DNM3: variants seen among roughly 807,000 people sequenced by gnomAD.
DNM3 encodes dynamin 3.
In DNM3, 47 loss-of-function variants were observed where a neutral mutation model predicts 101.6. The observed-to-expected ratio is 0.46, with a 90% CI of 0.37 to 0.59. DNM3 has a LOEUF of 0.59. Ranked by LOEUF, DNM3 falls within the 20% of genes least tolerant of loss-of-function variation. The pLI is 0.00. For missense variants in DNM3, 849 were observed against 1,085.7 expected (o/e 0.78, Z 3.06); for synonymous variants, 385 against 387.9 (o/e 0.99, Z 0.09).
At chr1:172,226,267 C>T (rs998778596) in intron 14 of DNM3, among the ~76,000 whole-genome samples, 3 of 152,164 alleles carry the variant, frequency 2.0e-5, no homozygotes, top group African/African-American at 7.2e-5. Flanking sequence ...CTCCAACCCC[C>T]TAGCTGTTAT....
At chr1:171,894,280 C>G (rs2037563009) in intron 1 of DNM3, among the ~76,000 whole-genome samples, 1 of 152,322 alleles carries the variant, frequency 6.6e-6, no homozygotes, top group South Asian at 2.1e-4. Flanking sequence ...GTCTGTGATT[C>G]CTCCCACTGT....
chr1:172,326,558 T>A (rs2065945485), intron 17 of DNM3, among the ~76,000 whole-genome samples: 1 of 152,152 alleles, frequency 6.6e-6, no homozygotes, highest in Admixed American at 6.6e-5. Context: ...TTAACCTCCA[T>A]GTTGTGTCTT....
At chr1:172,230,569 G>A (rs896805091) in intron 14 of DNM3, among the ~76,000 whole-genome samples, 1 of 152,094 alleles carries the variant, frequency 6.6e-6, no homozygotes, top group Non-Finnish European at 1.5e-5. Flanking sequence ...TAGTAACAGT[G>A]TTTTAACAAA....
intron 15 of DNM3, among the ~76,000 whole-genome samples, chr1:172,267,934 G>C (rs972405068): frequency 6.6e-6 from 1 of 152,046 alleles, no homozygotes; most frequent in African/African-American, 2.4e-5. Context: ...GGATGGTCTC[G>C]ATCTCCTGAC....
intron 2 of DNM3, among the ~76,000 whole-genome samples, chr1:171,973,811 G>A (rs189147322): frequency 6.6e-6 from 1 of 151,450 alleles, no homozygotes; most frequent in African/African-American, 2.4e-5. Flanking sequence ...CTACAGGCAT[G>A]TGCCATTATG....
chr1:171,987,871 A>G lies in DNM3; in HGVS notation c.385+66A>G, dbSNP rs758769077. The G allele has an allele frequency of 1.8e-5, 26 of 1,418,270 alleles. No individual in the cohort carries two copies. The African/African-American group carries it at 2.6e-4, about 14-fold the overall frequency. The allele number at this position is 1,418,270 out of a possible 1,614,324, so 87.9% of individuals were successfully genotyped here. ...ATTTATACTACATTAATTAACATAC[A>G]TCATTTGTACAGAAGATACAAATAG... On this transcript the variant is annotated intron_variant, in intron 3 of 20. Transcript: ENST00000627582.
chr1:171,886,583 G>A (rs1395654894), intron 1 of DNM3, among the ~76,000 whole-genome samples: 2 of 151,898 alleles, frequency 1.3e-5, no homozygotes, highest in African/African-American at 4.8e-5. Flanking sequence ...TTGAAAAATT[G>A]CCTTTGTTAT....
At chr1:171,886,510 T>A (rs1250810279) in intron 1 of DNM3, among the ~76,000 whole-genome samples, 1 of 152,122 alleles carries the variant, frequency 6.6e-6, no homozygotes, top group African/African-American at 2.4e-5. Flanking sequence ...AATGATGCTT[T>A]TCTGGTTCCC....
At chr1:172,242,313 T>C (rs2061780231) in intron 14 of DNM3, among the ~76,000 whole-genome samples, 1 of 152,190 alleles carries the variant, frequency 6.6e-6, no homozygotes, top group Non-Finnish European at 1.5e-5. Flanking sequence ...CTGTTCACCC[T>C]GCCTGGTATC....
At chr1:172,383,912 T>C (rs1321188138) in intron 18 of DNM3, among the ~76,000 whole-genome samples, 2 of 152,308 alleles carry the variant, frequency 1.3e-5, no homozygotes, top group East Asian at 3.9e-4. Flanking sequence ...GGTGTTATAA[T>C]TAAAAACATA....
chr1:172,178,833 A>G (rs1459908138), intron 14 of DNM3, among the ~76,000 whole-genome samples: 1 of 151,966 alleles, frequency 6.6e-6, no homozygotes. Flanking sequence ...CAGAAGCTAG[A>G]TTGCAGGGGG....
At chr1:172,193,775 CG>C (rs1366761772) in intron 14 of DNM3, among the ~76,000 whole-genome samples, 1 of 151,882 alleles carries the variant, frequency 6.6e-6, no homozygotes, top group Admixed American at 6.6e-5. Flanking sequence ...GTCTTGCTAG[CG>C]GTCTATCAAT....
intron 4 of DNM3, among the ~76,000 whole-genome samples, chr1:172,026,874 C>T (rs533124326): frequency 3.9e-5 from 6 of 152,172 alleles, no homozygotes; most frequent in Admixed American, 1.3e-4. Context: ...AGGATGGTCT[C>T]GATCTCCTGA....
At chr1:172,379,249 T>C in intron 18 of DNM3, 67 bp downstream of exon 18, 1 of 1,285,408 alleles carries the variant, frequency 7.8e-7, no homozygotes, top group Non-Finnish European at 1.1e-6. Flanking sequence ...GCACATATTA[T>C]CTTCAGCTTC....
At chr1:172,196,218 C>T (rs552903468) in intron 14 of DNM3, among the ~76,000 whole-genome samples, 1 of 151,902 alleles carries the variant, frequency 6.6e-6, no homozygotes, top group South Asian at 2.1e-4. Flanking sequence ...CATCCATGTT[C>T]CCTCAAAAGA....
chr1:172,200,918 A>G (rs893684522), intron 14 of DNM3, among the ~76,000 whole-genome samples: 2 of 152,022 alleles, frequency 1.3e-5, no homozygotes, highest in Non-Finnish European at 2.9e-5. Flanking sequence ...CAGCCTGGCC[A>G]TTTGGAGGAC....
At chr1:171,871,917 T>C (rs1312877934) in intron 1 of DNM3, among the ~76,000 whole-genome samples, 2 of 149,096 alleles carry the variant, frequency 1.3e-5, no homozygotes, top group South Asian at 2.1e-4. Flanking sequence ...TCTAGAAAGA[T>C]AGATTCAGTG....
intron 6 of DNM3, among the ~76,000 whole-genome samples, chr1:172,037,579 T>TA (rs2049061638): frequency 6.6e-6 from 1 of 152,210 alleles, no homozygotes; most frequent in Non-Finnish European, 1.5e-5. Flanking sequence ...AGAAAGGCTG[T>TA]AAGACCTAAA....
intron 10 of DNM3, among the ~76,000 whole-genome samples, chr1:172,065,641 G>A (rs886777322): frequency 1.3e-5 from 2 of 152,160 alleles, no homozygotes; most frequent in African/African-American, 4.8e-5. Context: ...GGTAATTCAT[G>A]AAATAAGCCC....
Sources: allele counts gnomAD v4.1 joint callset (sites outside exome capture counted in the v4.1 genomes callset), GRCh38; gene constraint gnomAD v4.1.1; transcripts MANE v1.5; gene names NCBI Gene and HGNC (gene_info 2026-07-23, HGNC 2026-07-21).